The following LRP1B variants were observed in gnomAD, a reference collection of about 807,000 sequenced individuals.
LRP1B encodes low-density lipoprotein receptor-related protein 1B.
Under a neutral mutation model 556.6 loss-of-function variants are expected in LRP1B, and 217 were observed. The ratio of observed to expected loss-of-function variants is 0.39; its 90% confidence interval spans 0.35 to 0.44. The LOEUF (loss-of-function observed/expected upper bound fraction) is 0.44, where lower values mean the gene tolerates loss of function less well. Ranked by LOEUF, LRP1B falls within the 20% of genes least tolerant of loss-of-function variation. The pLI, the probability that LRP1B is intolerant of heterozygous loss-of-function variation, is 1.00. For synonymous variants in LRP1B, 2,047 were observed against 1,865.8 expected, an observed-to-expected ratio of 1.10 and a Z score of -2.50; for missense variants, 5,053 against 5,620.8, an observed-to-expected ratio of 0.90 and a Z score of 3.23.
chr2:142,058,577 C>T (rs1344356518), intron 1 of LRP1B, among the ~76,000 whole-genome samples: 2 of 152,032 alleles, frequency 1.3e-5, no homozygotes, highest in African/African-American at 2.4e-5. Flanking sequence ...TATCTGCTAT[C>T]GTTAGTGTGA....
intron 6 of LRP1B, among the ~76,000 whole-genome samples, chr2:141,190,968 T>C (rs990432749): frequency 1.3e-5 from 2 of 151,896 alleles, no homozygotes; most frequent in Non-Finnish European, 2.9e-5. Context: ...CTGGAGTAGG[T>C]CATAAGATCC....
At chr2:141,717,970 T>A (rs1455850317) in intron 2 of LRP1B, among the ~76,000 whole-genome samples, 4 of 152,170 alleles carry the variant, frequency 2.6e-5, no homozygotes, top group Non-Finnish European at 5.9e-5. Context: ...TGAAGGAGGA[T>A]ACACTGACAT....
At chr2:141,364,597 A>G (rs1417436778) in intron 3 of LRP1B, among the ~76,000 whole-genome samples, 1 of 152,204 alleles carries the variant, frequency 6.6e-6, no homozygotes, top group East Asian at 1.9e-4. Context: ...AGATTTATAC[A>G]CATGCATCTT....
chr2:141,206,057 A>C (rs1682262711), intron 6 of LRP1B, among the ~76,000 whole-genome samples: 1 of 152,140 alleles, frequency 6.6e-6, no homozygotes, highest in African/African-American at 2.4e-5. Context: ...GGTGATGCCA[A>C]GGAAAGATAT....
chr2:141,872,893 C>T (rs1400400560), intron 1 of LRP1B, among the ~76,000 whole-genome samples: 1 of 151,862 alleles, frequency 6.6e-6, no homozygotes, highest in Admixed American at 6.6e-5. Flanking sequence ...ACCAATGTTT[C>T]CTTTAAGTAT....
chr2:140,632,521 A>T (rs1282649256), intron 41 of LRP1B, among the ~76,000 whole-genome samples: 1 of 152,034 alleles, frequency 6.6e-6, no homozygotes, highest in African/African-American at 2.4e-5. Flanking sequence ...TTGATATGCT[A>T]AAAGAGGAAA....
At chr2:141,338,826 A>C (rs1362098778) in intron 3 of LRP1B, among the ~76,000 whole-genome samples, 2 of 152,156 alleles carry the variant, frequency 1.3e-5, no homozygotes, top group Non-Finnish European at 2.9e-5. Context: ...TAAAGAACCC[A>C]AAGCTCTTCC....
rs530763719 is a variant in LRP1B, at chr2:140,956,897, T to C, written c.2888-4957A>G. 2.0e-5 allele frequency among the ~76,000 whole-genome samples: 3 copies of C among 151,820 alleles called. No individual in the cohort carries two copies. In the East Asian group the frequency reaches 5.8e-4, roughly 29 times the overall value. On this transcript the variant is annotated intron_variant, in intron 18 of 90. Transcript: ENST00000389484. The stretch of plus-strand genomic sequence containing the variant: ...ATGGAAGAAAATATCACTGAAATAT[T>C]TTATTGGTTCAAGATATTTAACTGA...
chr2:141,878,756 C>G (rs2104889006), intron 1 of LRP1B, among the ~76,000 whole-genome samples: 1 of 152,062 alleles, frequency 6.6e-6, no homozygotes, highest in East Asian at 1.9e-4. Context: ...AAGTAATGAA[C>G]AGTCCAATTA....
At chr2:140,876,406 A>G (rs1693306561) in intron 25 of LRP1B, among the ~76,000 whole-genome samples, 1 of 152,202 alleles carries the variant, frequency 6.6e-6, no homozygotes, top group African/African-American at 2.4e-5. Context: ...AGTTATTTGC[A>G]TAAGTGCAAT....
In LRP1B at chr2:140,981,481, G is replaced by A. The variant is rs549615768; in HGVS notation, c.2887+679C>T. Among the ~76,000 whole-genome samples the A allele has an allele frequency of 5.9e-4, 89 of 152,128 alleles. 3 individuals carry two copies. Among genetic ancestry groups the A allele is most frequent in the African/African-American group, 2.1e-3 (87 of 41,536 alleles). ...AAAGCCTGGCTCATTCTGTTACTGT[G>A]TTTCAGTAGACATTATTGAGACAAA... On this transcript the variant is annotated intron_variant, in intron 18 of 90. Transcript: ENST00000389484.
intron 1 of LRP1B, among the ~76,000 whole-genome samples, chr2:141,815,568 T>C (rs1444829298): frequency 6.6e-6 from 1 of 151,886 alleles, no homozygotes; most frequent in East Asian, 1.9e-4. Flanking sequence ...CTCTGTAAAA[T>C]GCACCAATCA....
At chr2:141,127,009 C>A (rs944219067) in intron 7 of LRP1B, among the ~76,000 whole-genome samples, 2 of 151,984 alleles carry the variant, frequency 1.3e-5, no homozygotes, top group East Asian at 1.9e-4. Context: ...ATCCCTCCCC[C>A]ACCCCTCACC....
intron 18 of LRP1B, among the ~76,000 whole-genome samples, chr2:140,956,348 A>G (rs1239785601): frequency 6.6e-6 from 1 of 151,794 alleles, no homozygotes; most frequent in Non-Finnish European, 1.5e-5. Flanking sequence ...CATGCTGATT[A>G]TACTAATACT....
intron 9 of LRP1B, 61 bp from the exon 10 acceptor site, chr2:141,055,320 C>T: frequency 6.5e-7 from 1 of 1,540,572 alleles, no homozygotes; most frequent in East Asian, 2.3e-5. Context: ...TAACTATGTG[C>T]ATCAGTATGT....
chr2:140,669,032 G>A (rs1056259645), intron 41 of LRP1B, among the ~76,000 whole-genome samples: 1 of 152,132 alleles, frequency 6.6e-6, no homozygotes, highest in Non-Finnish European at 1.5e-5. Flanking sequence ...AAGGTTTTAG[G>A]CACAGGGTTT....
intron 2 of LRP1B, among the ~76,000 whole-genome samples, chr2:141,774,918 C>T (rs1358915968): frequency 2.0e-5 from 3 of 152,190 alleles, no homozygotes; most frequent in Non-Finnish European, 4.4e-5. Context: ...CTCTTTCATT[C>T]ATACTACATC....
intron 1 of LRP1B, among the ~76,000 whole-genome samples, chr2:141,914,476 C>A (rs137922922): frequency 1.3e-5 from 2 of 152,134 alleles, no homozygotes; most frequent in Non-Finnish European, 2.9e-5. Context: ...CATTCCAAAT[C>A]AACATAGTAC....
At chr2:140,410,746 A>G (rs1278797791) in intron 66 of LRP1B, among the ~76,000 whole-genome samples, 1 of 152,166 alleles carries the variant, frequency 6.6e-6, no homozygotes, top group African/African-American at 2.4e-5. Flanking sequence ...TACTACAAAC[A>G]GCAAAGAAAC....
Sources: allele counts gnomAD v4.1 joint callset (sites outside exome capture counted in the v4.1 genomes callset), GRCh38; gene constraint gnomAD v4.1.1; transcripts MANE v1.5; gene names NCBI Gene and HGNC (gene_info 2026-07-23, HGNC 2026-07-21).